Variants in FHIT observed in about 807,000 individuals in gnomAD.
FHIT encodes bis(5'-adenosyl)-triphosphatase.
FHIT carries 19 observed loss-of-function variants against 17.9 expected under a neutral mutation model. The ratio of observed to expected loss-of-function variants is 1.06; its 90% CI spans 0.74 to 1.56. FHIT has a LOEUF of 1.56. FHIT is among the 40% of genes most tolerant of loss of function. FHIT has a pLI of 0.00. For synonymous variants in FHIT, 81 were observed against 69.7 expected, an observed-to-expected ratio of 1.16 and a Z score of -0.81; for missense variants, 248 against 189.2, an observed-to-expected ratio of 1.31 and a Z score of -1.82.
chr3:60,661,781 A>G (rs2040253132), intron 4 of FHIT, among the ~76,000 whole-genome samples: 1 of 152,158 alleles, frequency 6.6e-6, no homozygotes, highest in East Asian at 1.9e-4. Context: ...TGTGGTTTTG[A>G]CTCGCATGTT....
At chr3:61,099,524 G>C (rs1559980871) in intron 2 of FHIT, among the ~76,000 whole-genome samples, 1 of 152,128 alleles carries the variant, frequency 6.6e-6, no homozygotes, top group East Asian at 1.9e-4. Context: ...GTAAAATTTA[G>C]CTGTGAATCC....
chr3:60,922,363 T>TA (rs1707330621), intron 3 of FHIT, among the ~76,000 whole-genome samples: 1 of 152,116 alleles, frequency 6.6e-6, no homozygotes, highest in Non-Finnish European at 1.5e-5. Flanking sequence ...GAAAAAGAAA[T>TA]AAAAATGCAT....
At chr3:60,361,196 A>G (rs1381548412) in intron 5 of FHIT, among the ~76,000 whole-genome samples, 2 of 152,204 alleles carry the variant, frequency 1.3e-5, no homozygotes, top group Non-Finnish European at 2.9e-5. Context: ...TTGAAAGTCC[A>G]GTGGGGAGAA....
At chr3:60,899,608 G>C (rs1237280667) in intron 3 of FHIT, among the ~76,000 whole-genome samples, 2 of 152,130 alleles carry the variant, frequency 1.3e-5, no homozygotes, top group Admixed American at 6.5e-5. Context: ...GGGGTTCATG[G>C]AGCTCTTGTC....
rs145290628 is a variant in FHIT, at chr3:60,452,642, T to A, written c.103+84218A>T. Reference sequence around the variant, plus strand: ...TGCAGCTTGCTTGAAAAGTGCCTTCTCTCAAGCTGATTAAATATTCTCTCC... The same window carrying A: ...TGCAGCTTGCTTGAAAAGTGCCTTCACTCAAGCTGATTAAATATTCTCTCC... On this transcript the variant is annotated intron_variant, in intron 5 of 9. Coordinates refer to ENST00000492590, the MANE Select transcript of FHIT (RefSeq NM_002012.4). Among the ~76,000 whole-genome samples the A allele has an allele frequency of 1.5e-3, 234 of 152,314 alleles. 1 individual carries two copies. The highest frequency in any genetic ancestry group is 2.5e-3 in the Non-Finnish European group (172 of 68,012).
rs572556755 is a variant in FHIT at position 60,572,949 on chromosome 3, T to C, written c.-17-35970A>G. 2.6e-5 allele frequency among the ~76,000 whole-genome samples: 4 copies of C among 152,292 alleles called. No homozygotes were observed. In the South Asian group the frequency reaches 6.2e-4, roughly 24 times the overall value. On this transcript the variant is annotated intron_variant, in intron 4 of 9. Transcript: ENST00000492590. ...ACATACAGCATTTCGTTTCATCCTC[T>C]TGATGTCCCTACAAGGTAGTTCCTA...
chr3:59,981,749 T>G (rs1708664911), intron 7 of FHIT, among the ~76,000 whole-genome samples: 1 of 152,150 alleles, frequency 6.6e-6, no homozygotes, highest in Admixed American at 6.5e-5. Flanking sequence ...AAACATTTAA[T>G]GTGAAATGAG....
rs1701241692 is a variant in FHIT at position 60,167,773 on chromosome 3, G to A, written c.104-153621C>T. Among the ~76,000 whole-genome samples the A allele has an allele frequency of 3.9e-5, 6 of 152,190 alleles. No homozygotes were observed. The South Asian group carries it at 1.2e-3, about 32-fold the overall frequency. On this transcript the variant is annotated intron_variant, in intron 5 of 9. Transcript: ENST00000492590. ...TTTGTGGCAGGGCGTAGTGGCTCAT[G>A]CCTGTAATCCCAGCACTTTGGGAGG...
At chr3:60,483,679 C>G (rs1015662531) in intron 5 of FHIT, among the ~76,000 whole-genome samples, 2 of 152,100 alleles carry the variant, frequency 1.3e-5, no homozygotes, top group Admixed American at 6.5e-5. Context: ...GGACATATCT[C>G]AAAATAATAA....
intron 5 of FHIT, among the ~76,000 whole-genome samples, chr3:60,272,161 C>G (rs999295531): frequency 6.6e-6 from 1 of 152,190 alleles, no homozygotes; most frequent in Non-Finnish European, 1.5e-5. Context: ...CTGCGGGACA[C>G]AAAACCAGAC....
At chr3:60,249,730 G>T (rs1469904048) in intron 5 of FHIT, among the ~76,000 whole-genome samples, 1 of 90,118 alleles carries the variant, frequency 1.1e-5, no homozygotes, top group Non-Finnish European at 2.2e-5. Context: ...ACGGGAGAAG[G>T]GGGAAGGAAA....
intron 3 of FHIT, among the ~76,000 whole-genome samples, chr3:60,895,068 G>C (rs758162420): frequency 2.0e-5 from 3 of 152,090 alleles, no homozygotes; most frequent in Non-Finnish European, 4.4e-5. Flanking sequence ...GTCTAGGATC[G>C]CACTGGCTTT....
intron 5 of FHIT, among the ~76,000 whole-genome samples, chr3:60,157,201 T>C (rs1011770693): frequency 9.9e-5 from 15 of 152,102 alleles, no homozygotes; most frequent in African/African-American, 3.6e-4. Flanking sequence ...GAGTAATGGA[T>C]TGAAAAATGC....
chr3:59,899,870 T>A (rs1475449253), intron 8 of FHIT, among the ~76,000 whole-genome samples: 1 of 152,014 alleles, frequency 6.6e-6, no homozygotes, highest in African/African-American at 2.4e-5. Flanking sequence ...AAAAAAAGAA[T>A]CAGCTATTGC....
intron 5 of FHIT, among the ~76,000 whole-genome samples, chr3:60,328,518 C>A (rs530250974): frequency 6.6e-6 from 1 of 152,222 alleles, no homozygotes; most frequent in Non-Finnish European, 1.5e-5. Context: ...GACTTACTAA[C>A]TAACAGGAGA....
intron 2 of FHIT, among the ~76,000 whole-genome samples, chr3:61,051,488 A>T (rs1008697582): frequency 2.0e-5 from 3 of 152,098 alleles, no homozygotes; most frequent in African/African-American, 4.8e-5. Context: ...GCCTCAAGCC[A>T]TCTGCTCACC....
intron 5 of FHIT, among the ~76,000 whole-genome samples, chr3:60,473,236 T>C (rs2033178460): frequency 6.6e-6 from 1 of 152,196 alleles, no homozygotes; most frequent in Admixed American, 6.5e-5. Flanking sequence ...TATCCACAGA[T>C]AGCTGGCTTC....
intron 4 of FHIT, among the ~76,000 whole-genome samples, chr3:60,686,673 T>C (rs2040868947): frequency 6.6e-6 from 1 of 152,166 alleles, no homozygotes; most frequent in South Asian, 2.1e-4. Flanking sequence ...GAGCAGAATT[T>C]ACACCAAAAA....
chr3:60,446,366 G>A (rs56850618), intron 5 of FHIT, among the ~76,000 whole-genome samples: 7,688 of 152,174 alleles, frequency 0.051, 626 homozygotes, highest in African/African-American at 0.17. Context: ...CTACTCTCTG[G>A]CAGCCAGTCT....
Sources: gnomAD v4.1 joint callset for allele counts (sites outside exome capture counted in the v4.1 genomes callset) on GRCh38, gnomAD v4.1.1 for gene constraint, MANE v1.5 for transcripts, NCBI Gene and HGNC (gene_info 2026-07-23, HGNC 2026-07-21) for gene names.